TMEM114: variants seen among roughly 807,000 people sequenced by gnomAD.
TMEM114 encodes the protein transmembrane protein 114, also known as claudin-26.
In TMEM114, 6 loss-of-function variants were observed where a neutral mutation model predicts 6.2. The observed-to-expected ratio is 0.97, with a 90% CI of 0.53 to 1.91. The LOEUF (loss-of-function observed/expected upper bound fraction) is 1.91, where lower values mean the gene tolerates loss of function less well. TMEM114 is among the 40% of genes most tolerant of loss of function. The pLI is 0.01. For missense variants in TMEM114, 218 were observed against 158.3 expected (o/e 1.38, Z -2.02); for synonymous variants, 104 against 73.0 (o/e 1.42, Z -2.16).
At chr16:8,553,930 G>C (rs1020626756) in intron 2 of TMEM114, among the ~76,000 whole-genome samples, 5 of 151,112 alleles carry the variant, frequency 3.3e-5, no homozygotes, top group Admixed American at 2.0e-4. Flanking sequence ...CCAGGCTAGA[G>C]TACAGTGGTG....
intron 2 of TMEM114, among the ~76,000 whole-genome samples, chr16:8,586,975 G>A (rs1464672391): frequency 5.3e-5 from 8 of 152,250 alleles, no homozygotes; most frequent in East Asian, 1.9e-4. Context: ...TCAGTGGTGT[G>A]CTGGAGCTGA....
At chr16:8,542,137 A>T (rs2141650018) in intron 2 of TMEM114, among the ~76,000 whole-genome samples, 1 of 126,176 alleles carries the variant, frequency 7.9e-6, no homozygotes, top group African/African-American at 3.1e-5. Context: ...GTTGAGGATG[A>T]TTCGTGGGGG....
intron 2 of TMEM114, among the ~76,000 whole-genome samples, chr16:8,549,520 A>G (rs1900777779): frequency 6.6e-6 from 1 of 151,902 alleles, no homozygotes; most frequent in African/African-American, 2.4e-5. Flanking sequence ...AAAAAAAAGA[A>G]TGCATGATCT....
downstream of TMEM114, among the ~76,000 whole-genome samples, chr16:8,569,213 C>T (rs35449695): frequency 0.052 from 7,929 of 152,256 alleles, 258 homozygotes; most frequent in African/African-American, 0.059. Context: ...TATGATTAGT[C>T]TTGAAGAGTG....
the TMEM114 span, among the ~76,000 whole-genome samples, chr16:8,527,857 C>G: frequency 6.6e-6 from 1 of 152,150 alleles, no homozygotes; most frequent in Non-Finnish European, 1.5e-5. Context: ...TTATTTCCCC[C>G]TCCTCATCAC....
chr16:8,530,689 T>G, the TMEM114 span, among the ~76,000 whole-genome samples: 4 of 146,396 alleles, frequency 2.7e-5, no homozygotes, highest in African/African-American at 7.6e-5. Flanking sequence ...TAGAGGAGGA[T>G]GGGAGGGAGA....
downstream of TMEM114, among the ~76,000 whole-genome samples, chr16:8,567,413 T>G (rs1474383685): frequency 6.6e-6 from 1 of 152,200 alleles, no homozygotes; most frequent in Non-Finnish European, 1.5e-5. Context: ...AATGCATGAA[T>G]GGATGGGCGA....
At chr16:8,576,776 C>T (rs563359694) in intron 2 of TMEM114, among the ~76,000 whole-genome samples, 181 of 150,264 alleles carry the variant, frequency 1.2e-3, no homozygotes, top group African/African-American at 4.4e-3. Context: ...GGAAATTGAG[C>T]ATTTACTGAG....
chr16:8,578,063 CA>C (rs1297567936), intron 2 of TMEM114, among the ~76,000 whole-genome samples: 4 of 152,106 alleles, frequency 2.6e-5, no homozygotes, highest in Non-Finnish European at 5.9e-5. Context: ...AGCAAGGAAA[CA>C]AAGATCATTG....
rs529819751 is a variant in TMEM114 at position 8,541,081 on chromosome 16, G to T, written n.213-3255C>A. Among the ~76,000 whole-genome samples, 37 of 152,270 alleles carry T rather than the reference G, an allele frequency of 2.4e-4. No homozygotes were observed. In the South Asian group the frequency reaches 7.3e-3, roughly 30 times the overall value. On this transcript the variant is annotated intron_variant and non_coding_transcript_variant, in intron 2 of 2. Transcript: ENST00000623677. ...GGACCAGCCCCATGCAGGGTCTAAT[G>T]ATAATAATGACCACAAATAGAGTGG...
intron 2 of TMEM114, among the ~76,000 whole-genome samples, chr16:8,588,615 G>C (rs1469621152): frequency 2.0e-5 from 3 of 152,136 alleles, no homozygotes; most frequent in African/African-American, 7.2e-5. Flanking sequence ...GCACTGAGCT[G>C]GGTACTAAGA....
In TMEM114 at chr16:8,550,613, G is replaced by A. The variant is rs182920611; in HGVS notation, n.213-12787C>T. Among the ~76,000 whole-genome samples, 377 of 151,894 alleles carry A rather than the reference G, an allele frequency of 2.5e-3. 3 individuals are homozygous for A. The highest frequency in any genetic ancestry group is 8.6e-3 in the African/African-American group (357 of 41,410). On this transcript the variant is annotated intron_variant and non_coding_transcript_variant, in intron 2 of 2. Transcript: ENST00000623677. ...GAATTGCTTGAACCCTGGAGGCAGAGGTTGCAGTGAGCTGAGATCGCACCA... is the reference window on the plus strand; with the variant it reads ...GAATTGCTTGAACCCTGGAGGCAGAAGTTGCAGTGAGCTGAGATCGCACCA...
intron 2 of TMEM114, among the ~76,000 whole-genome samples, chr16:8,584,325 T>TA (rs1902248553): frequency 6.6e-6 from 1 of 151,924 alleles, no homozygotes; most frequent in Non-Finnish European, 1.5e-5. Context: ...TTCTAGACCA[T>TA]AGCTCTTTAA....
chr16:8,536,315 G>A (rs1900358351), downstream of TMEM114, among the ~76,000 whole-genome samples: 1 of 151,920 alleles, frequency 6.6e-6, no homozygotes, highest in African/African-American at 2.4e-5. Context: ...TTAGCCCCCA[G>A]GTACTTGCAT....
chr16:8,561,839 AGTG>A (rs1327885015), intron 2 of TMEM114, among the ~76,000 whole-genome samples: 27 of 151,978 alleles, frequency 1.8e-4, no homozygotes, highest in Non-Finnish European at 4.0e-4. Context: ...TGAGTGAATG[AGTG>A]AGTGAATGAA....
chr16:8,570,325 A>AT (rs33950732), intron 3 of TMEM114, among the ~76,000 whole-genome samples: 107,748 of 150,892 alleles, frequency 0.71, 38,771 homozygotes, highest in African/African-American at 0.8. Flanking sequence ...CTTTTGTGTA[A>AT]TTTTTTTTTA....
intron 2 of TMEM114, among the ~76,000 whole-genome samples, chr16:8,544,468 T>C (rs573095606): frequency 7.4e-4 from 113 of 152,294 alleles, no homozygotes; most frequent in African/African-American, 2.6e-3. Context: ...GGTTCACCAG[T>C]AGAAGAAACA....
At chr16:8,568,405 G>A (rs538808885), downstream of TMEM114, among the ~76,000 whole-genome samples, 1 of 152,246 alleles carries the variant, frequency 6.6e-6, no homozygotes, top group South Asian at 2.1e-4. Flanking sequence ...CAATGCTGAT[G>A]TCATGGTGGT....
intron 2 of TMEM114, among the ~76,000 whole-genome samples, chr16:8,563,375 G>T (rs1485574864): frequency 6.6e-6 from 1 of 150,918 alleles, no homozygotes; most frequent in East Asian, 1.9e-4. Context: ...GGGAGGGAAT[G>T]AGTGAATGAG....
Sources: allele counts gnomAD v4.1 joint callset (sites outside exome capture counted in the v4.1 genomes callset), GRCh38; gene constraint gnomAD v4.1.1; transcripts MANE v1.5; gene names NCBI Gene and HGNC (gene_info 2026-07-23, HGNC 2026-07-21).